The following PRRC2B variants were observed in gnomAD, a reference collection of about 807,000 sequenced individuals.
PRRC2B encodes the protein protein PRRC2B.
A neutral mutation model predicts 242.3 loss-of-function variants in PRRC2B; 68 were observed. That is an observed-to-expected ratio of 0.28 (90% confidence interval 0.23 to 0.34). PRRC2B has a LOEUF of 0.34. Among genes scored for constraint, PRRC2B ranks in the 10% least tolerant of loss-of-function variants. The pLI, the probability that PRRC2B is intolerant of heterozygous loss-of-function variation, is 1.00. For synonymous variants in PRRC2B, 1,228 were observed against 1,173.6 expected (o/e 1.05, Z -0.95); for missense variants, 2,835 against 2,954.8 (o/e 0.96, Z 0.94).
At chr9:131,447,250 G>A (rs766409022) in intron 8 of PRRC2B, 44 bp downstream of exon 8, 2 of 1,608,986 alleles carry the variant, frequency 1.2e-6, no homozygotes, top group Non-Finnish European at 1.7e-6. Context: ...GATGAGTGCG[G>A]TGGTGATTCT....
Position 131,466,098 on chromosome 9 carries a change from T to A in PRRC2B, c.1720+1020T>A, listed in dbSNP as rs116153869. 6.0e-3 allele frequency among the ~76,000 whole-genome samples: 909 copies of A among 152,346 alleles called. 9 individuals carry two copies. Among genetic ancestry groups the A allele is most frequent in the African/African-American group, 0.021 (875 of 41,564 alleles). On this transcript the variant is annotated intron_variant, in intron 12 of 31. Transcript: ENST00000683519. ...TGTCTCTTGTAGCAGTTTTGAAGAATATAATCAGCTGTTTTCTTTATAATT... is the reference window on the plus strand; with the variant it reads ...TGTCTCTTGTAGCAGTTTTGAAGAAAATAATCAGCTGTTTTCTTTATAATT...
At chr9:131,376,041 T>TGA in intron 1 of PRRC2B, among the ~76,000 whole-genome samples, 1 of 98,540 alleles carries the variant, frequency 1.0e-5, no homozygotes, top group Non-Finnish European at 1.9e-5. Context: ...AGAGTGAGAC[T>TGA]GTCTCAAAAA....
intron 1 of PRRC2B, among the ~76,000 whole-genome samples, chr9:131,394,978 C>G (rs1308086622): frequency 2.0e-5 from 3 of 149,588 alleles, no homozygotes; most frequent in Non-Finnish European, 4.4e-5. Flanking sequence ...TTTTTTCCTC[C>G]TCTTTTGCCT....
chr9:131,486,162 C>T lies in PRRC2B; in HGVS notation c.5836C>T (p.Gln1946Ter). ...CCGGCTGGTTCCTCAAACGATACCT[C>T]AGCAGCAGAGTTACCAACAGGTGAC... The part of the protein sequence containing the change: ...QPRLVPQTIP[Q>*]QQSYQQAAAA... Residue 1946 changes from glutamine (Q) to a stop codon, truncating the protein, a stop_gained, in exon 26 of 32, where the codon CAG becomes TAG. Transcript: ENST00000683519. LOFTEE classifies it high-confidence loss of function. 6.2e-7 allele frequency: 1 copy of T among 1,611,382 alleles called. No individual in the cohort carries two copies. Among genetic ancestry groups the T allele is most frequent in the Non-Finnish European group, 8.5e-7 (1 of 1,178,522 alleles).
chr9:131,394,385 C>G (rs1836981778), intron 1 of PRRC2B, 122 bp downstream of exon 1: 1 of 145,944 alleles, frequency 6.9e-6, no homozygotes, highest in South Asian at 2.0e-4. Context: ...CCCTGCGGCC[C>G]TGCCCGACCT....
In PRRC2B at chr9:131,475,806, A is replaced by C. The variant is rs1007239906; in HGVS notation, c.3677A>C (p.His1226Pro). The change falls in exon 16 of 32, where the codon CAC becomes CCC. Residue 1226 changes from histidine (H) to proline (P), a missense_variant. Coordinates refer to ENST00000683519, the MANE Select transcript of PRRC2B (RefSeq NM_013318.4). ...RRTFVSKESPHWQSKSPGSSW... is the reference protein window; with the variant it reads ...RRTFVSKESPPWQSKSPGSSW... ...ACCTTCGTCTCCAAAGAGTCACCCC[A>C]CTGGCAGAGCAAAAGTCCAGGCAGC... The C allele has an allele frequency of 6.8e-6, 11 of 1,612,914 alleles. No homozygotes were observed. Among genetic ancestry groups the C allele is most frequent in the Non-Finnish European group, 8.5e-6 (10 of 1,179,056 alleles).
chr9:131,416,619 G>A (rs1192840803), intron 1 of PRRC2B, among the ~76,000 whole-genome samples: 1 of 80,816 alleles, frequency 1.2e-5, no homozygotes, highest in African/African-American at 3.4e-5. Flanking sequence ...TGTACCCAGT[G>A]TCTTTTTTTT....
intron 1 of PRRC2B, among the ~76,000 whole-genome samples, chr9:131,418,845 T>G (rs1346861850): frequency 6.6e-6 from 1 of 152,246 alleles, no homozygotes; most frequent in Non-Finnish European, 1.5e-5. Context: ...ACTGCTGAAT[T>G]CTTTTGAAAT....
At chr9:131,470,023 A>G (rs529980386) in intron 13 of PRRC2B, among the ~76,000 whole-genome samples, 83 of 152,170 alleles carry the variant, frequency 5.5e-4, no homozygotes, top group African/African-American at 1.9e-3. Context: ...GGCTTTCTAG[A>G]GGAGGATGTG....
intron 1 of PRRC2B, among the ~76,000 whole-genome samples, chr9:131,382,223 G>C (rs1265976697): frequency 6.6e-6 from 1 of 152,064 alleles, no homozygotes; most frequent in Non-Finnish European, 1.5e-5. Context: ...CACTATGTTG[G>C]TCAGGATGGT....
At chr9:131,488,269 CTT>C (rs397690778) in intron 28 of PRRC2B, among the ~76,000 whole-genome samples, 173 bp downstream of exon 28, 4 of 144,714 alleles carry the variant, frequency 2.8e-5, no homozygotes, top group African/African-American at 5.1e-5. Context: ...GCCCCATCAC[CTT>C]TTTTTTTTTT....
rs1348432041 is a variant in PRRC2B at position 131,482,142 on chromosome 9, C to T, written c.4984-229C>T. Among the ~76,000 whole-genome samples the T allele has an allele frequency of 2.0e-5, 3 of 152,208 alleles. No homozygotes were observed. The highest frequency in any genetic ancestry group is 2.1e-4 in the South Asian group (1 of 4,832). ...ACAAGTGAGATGGGTTTGGCAGCCT[C>T]GGTCTGGGGCCCATAGAAGATCCTG... On this transcript the variant is annotated intron_variant, in intron 20 of 31. Transcript: ENST00000683519. The surrounding 1 kb of genome is among the most constrained non-coding windows in gnomAD (Gnocchi z 5.2).
intron 1 of PRRC2B, among the ~76,000 whole-genome samples, chr9:131,412,017 G>A (rs1401018381): frequency 2.6e-5 from 4 of 151,202 alleles, no homozygotes; most frequent in Non-Finnish European, 1.5e-5. Context: ...GTATTGCCCA[G>A]ACTGATCTCA....
intron 1 of PRRC2B, among the ~76,000 whole-genome samples, chr9:131,422,038 C>T (rs570232891): frequency 8.5e-4 from 129 of 152,164 alleles, no homozygotes; most frequent in Middle Eastern, 6.9e-3. Flanking sequence ...CTTTTCTTTT[C>T]TTTCTTTCTT....
chr9:131,420,588 T>C (rs1837812870), intron 1 of PRRC2B, among the ~76,000 whole-genome samples: 1 of 146,582 alleles, frequency 6.8e-6, no homozygotes, highest in South Asian at 2.2e-4. Context: ...ACCTCTTGGG[T>C]TCAAGTGAGT....
chr9:131,379,465 T>C (rs61335871), intron 1 of PRRC2B, among the ~76,000 whole-genome samples: 4,190 of 152,206 alleles, frequency 0.028, 190 homozygotes, highest in African/African-American at 0.095. Context: ...TATTTTCCAT[T>C]TTTTTGGATG....
At chr9:131,450,336 C>T (rs1274355450) in intron 9 of PRRC2B, among the ~76,000 whole-genome samples, 1 of 150,972 alleles carries the variant, frequency 6.6e-6, no homozygotes, top group Non-Finnish European at 1.5e-5. Flanking sequence ...GGCATGATCT[C>T]GACTCATTGC....
intron 1 of PRRC2B, among the ~76,000 whole-genome samples, chr9:131,408,340 G>A (rs1837422696): frequency 6.6e-6 from 1 of 152,208 alleles, no homozygotes; most frequent in African/African-American, 2.4e-5. Context: ...AAAGATACAT[G>A]TACTGGAGTG....
At chr9:131,441,795 C>G (rs1282508104) in intron 5 of PRRC2B, among the ~76,000 whole-genome samples, 2 of 152,146 alleles carry the variant, frequency 1.3e-5, no homozygotes, top group South Asian at 2.1e-4. Flanking sequence ...CCCAGGAGAC[C>G]TGATTGCATG....
Sources: gnomAD v4.1 joint callset for allele counts (sites outside exome capture counted in the v4.1 genomes callset) on GRCh38, gnomAD v4.1.1 for gene constraint, Gnocchi (gnomAD v3.1) non-coding constraint, MANE v1.5 for transcripts, NCBI Gene and HGNC (gene_info 2026-07-23, HGNC 2026-07-21) for gene names.